The following MMP24 variants were observed in gnomAD, a reference collection of about 807,000 sequenced individuals.
MMP24 encodes matrix metallopeptidase 24.
A neutral mutation model predicts 62.8 loss-of-function variants in MMP24; 25 were observed. The ratio of observed to expected loss-of-function variants is 0.40; its 90% CI spans 0.29 to 0.56. The LOEUF (loss-of-function observed/expected upper bound fraction) is 0.56. MMP24 is among the 20% of genes least tolerant of loss of function. The pLI, the probability that MMP24 is intolerant of heterozygous loss-of-function variation, is 0.50. For synonymous variants in MMP24, 319 were observed against 350.5 expected (o/e 0.91, Z 1.00); for missense variants, 634 against 853.6 (o/e 0.74, Z 3.21).
intron 2 of MMP24, among the ~76,000 whole-genome samples, chr20:35,247,214 C>G (rs543720785): frequency 6.6e-6 from 1 of 152,102 alleles, no homozygotes; most frequent in Non-Finnish European, 1.5e-5. Context: ...GTTGCTTAAC[C>G]CTTCTGGACC....
intron 8 of MMP24, among the ~76,000 whole-genome samples, chr20:35,273,481 G>A (rs1600809848): frequency 6.6e-6 from 1 of 152,262 alleles, no homozygotes; most frequent in East Asian, 1.9e-4. Flanking sequence ...AGGAGTCTCT[G>A]AGGAGGCTTC....
chr20:35,263,605 CCTT>C (rs1324215793), intron 4 of MMP24, 183 bp from the exon 5 acceptor site: 1 of 456,398 alleles, frequency 2.2e-6, no homozygotes, highest in African/African-American at 2.0e-5. Flanking sequence ...CTCTCTCTCT[CCTT>C]GTCCCTGCTC....
In MMP24 at chr20:35,254,694, G is replaced by A. The variant is rs1344361571; in HGVS notation, c.757G>A (p.Gly253Arg). The change falls in exon 4 of 9, where the codon GGA (glycine) becomes AGA (arginine). Residue 253 changes from glycine (G) to arginine (R), a missense_variant. Gly to Arg is a moderately radical substitution (Grantham distance 125, BLOSUM62 -2). Around this residue, in one of 3 missense-constraint regions of MMP24, gnomAD observed 23 missense variants for 63.1 expected, o/e 0.36. Coordinates refer to ENST00000246186, the MANE Select transcript of MMP24 (RefSeq NM_006690.4). ...TGCCTACTTCCCTGGCCCAGGGATT[G>A]GAGGAGACACCCACTTTGACTCCGA... ...AHAYFPGPGI[G>R]GDTHFDSDEP... 1 of 1,614,096 alleles carries A rather than the reference G, an allele frequency of 6.2e-7. No homozygotes were observed. Among genetic ancestry groups the A allele is most frequent in the Non-Finnish European group, 8.5e-7 (1 of 1,180,054 alleles).
chr20:35,254,926 G>A (rs1391223241), intron 4 of MMP24, among the ~76,000 whole-genome samples, 172 bp downstream of exon 4: 1 of 152,202 alleles, frequency 6.6e-6, no homozygotes, highest in Admixed American at 6.5e-5. Flanking sequence ...AATCCACCAG[G>A]GCCAGGGCCA....
At chr20:35,260,191 C>T (rs995326147) in intron 4 of MMP24, among the ~76,000 whole-genome samples, 2 of 152,186 alleles carry the variant, frequency 1.3e-5, no homozygotes, top group African/African-American at 4.8e-5. Context: ...TCAGGGAGTC[C>T]TCCTGCCCCT....
chr20:35,232,903 C>T lies in MMP24; in HGVS notation c.246+5919C>T, dbSNP rs112219609. On this transcript the variant is annotated intron_variant, in intron 1 of 8. Coordinates refer to ENST00000246186, the MANE Select transcript of MMP24 (RefSeq NM_006690.4). ...GAAGTGGAGGGACTGGAGTTTGTTC[C>T]TGAGTTGTTCTGGCTGCTGGCTCCT... is the stretch of plus-strand genomic sequence containing the variant. 5.3e-3 allele frequency among the ~76,000 whole-genome samples: 804 copies of T among 152,232 alleles called. 7 individuals carry two copies. The highest frequency in any genetic ancestry group is 0.017 in the African/African-American group (719 of 41,530).
rs150052933 is a variant in MMP24 at position 35,254,883 on chromosome 20, G to A, written c.817+129G>A. 2.2e-5 allele frequency: 23 copies of A among 1,062,606 alleles called. No individual in the cohort carries two copies. The East Asian group carries it at 5.8e-4, about 27-fold the overall frequency. The allele number at this position is 1,062,606 out of a possible 1,614,324, so 65.8% of individuals were successfully genotyped here. ...CCAAGAACTAAGACCGTAAGAGGGTGGGAACTGTGATTTCTGATAATATTC... is the reference window on the plus strand; with the variant it reads ...CCAAGAACTAAGACCGTAAGAGGGTAGGAACTGTGATTTCTGATAATATTC... On this transcript the variant is annotated intron_variant, in intron 4 of 8. Transcript: ENST00000246186.
intron 1 of MMP24, among the ~76,000 whole-genome samples, chr20:35,227,741 T>C (rs2060421024): frequency 1.3e-5 from 2 of 152,176 alleles, no homozygotes; most frequent in South Asian, 2.1e-4. Flanking sequence ...CCTGGTGCTA[T>C]GTTTTATACG....
chr20:35,255,011 A>T (rs2060567909), intron 4 of MMP24, among the ~76,000 whole-genome samples: 1 of 152,242 alleles, frequency 6.6e-6, no homozygotes, highest in South Asian at 2.1e-4. Flanking sequence ...TAAGAAGATA[A>T]AGTAATGGAC....
chr20:35,267,878 G>C, intron 6 of MMP24: 1 of 186,258 alleles, frequency 5.4e-6, no homozygotes, highest in Non-Finnish European at 1.1e-5. Flanking sequence ...ACTGGCAGCA[G>C]CCCAGGGTAT....
intron 1 of MMP24, among the ~76,000 whole-genome samples, chr20:35,235,483 G>C (rs1180958317): frequency 6.6e-6 from 1 of 152,106 alleles, no homozygotes; most frequent in Non-Finnish European, 1.5e-5. Context: ...ATCACCTGAG[G>C]TCAGAAGTTC....
chr20:35,238,895 G>T (rs529710219), intron 1 of MMP24, among the ~76,000 whole-genome samples: 2 of 152,124 alleles, frequency 1.3e-5, no homozygotes, highest in South Asian at 4.2e-4. Context: ...GCTGTTTTTG[G>T]TTTTTGTTTT....
rs571743139 is a variant in MMP24 at position 35,255,200 on chromosome 20, G to A, written c.817+446G>A. The stretch of plus-strand genomic sequence containing the variant: ...ACAAAAATTATCTGGGCGTGGTGGC[G>A]GGTGCCTGTAATCCCAGCTACTCAG... On this transcript the variant is annotated intron_variant, in intron 4 of 8. Transcript: ENST00000246186. Among the ~76,000 whole-genome samples, 11 of 152,174 alleles carry A rather than the reference G, an allele frequency of 7.2e-5. No homozygotes were observed. The South Asian group carries it at 2.1e-3, about 29-fold the overall frequency.
chr20:35,276,062 C>T lies in MMP24; in HGVS notation c.*1453C>T, dbSNP rs1036018908. 7 of 398,612 alleles carry T rather than the reference C, an allele frequency of 1.8e-5. No individual in the cohort carries two copies. Among genetic ancestry groups the T allele is most frequent in the South Asian group, 1.3e-4 (1 of 7,866 alleles). The allele number at this position is 398,612 out of a possible 1,614,324, so 24.7% of individuals were successfully genotyped here. A position where few individuals can be genotyped will look rare whatever the true frequency, so the allele number is the denominator to read the frequency against. On this transcript the variant is annotated 3_prime_UTR_variant, in exon 9 of 9. Coordinates refer to ENST00000246186, the MANE Select transcript of MMP24 (RefSeq NM_006690.4). ...CAAAAAGGTGTCAGGCAGTCTCCAG[C>T]GTGCTGGCCGGGTCTCGGATGCCAC...
intron 1 of MMP24, among the ~76,000 whole-genome samples, chr20:35,245,483 C>G (rs929878320): frequency 2.7e-5 from 4 of 150,752 alleles, no homozygotes; most frequent in Non-Finnish European, 5.9e-5. Context: ...GAGTCTTGCT[C>G]TGTCACCCAG....
chr20:35,262,857 T>G (rs1176444124), intron 4 of MMP24: 1 of 144,242 alleles, frequency 6.9e-6, no homozygotes, highest in African/African-American at 2.7e-5. Flanking sequence ...TTAAGGAGCA[T>G]GCTGCCTTCA....
At chr20:35,239,259 G>C (rs987619733) in intron 1 of MMP24, among the ~76,000 whole-genome samples, 1 of 151,754 alleles carries the variant, frequency 6.6e-6, no homozygotes, top group African/African-American at 2.4e-5. Context: ...GGATGGTCTC[G>C]ATCTCTTGAC....
In MMP24 at chr20:35,267,317, G is replaced by A. The variant is rs774778324; in HGVS notation, c.1092G>A (p.Pro364=). The change falls in exon 6 of 9, where the codon CCG becomes CCA. Residue 364 remains proline, a synonymous_variant. Coordinates refer to ENST00000246186, the MANE Select transcript of MMP24 (RefSeq NM_006690.4). ...AGCGCCAGCCCAGGCCCCCTCGGCC[G>A]CCCCTCGGGGACCGGCCATCCACAC... ...KHERQPRPPR[P]PLGDRPSTPG... 1.0e-5 allele frequency: 16 copies of A among 1,591,740 alleles called. No homozygotes were observed. Among genetic ancestry groups the A allele is most frequent in the East Asian group, 6.9e-5 (3 of 43,500 alleles).
At chr20:35,250,748 G>A (rs568880633) in intron 2 of MMP24, among the ~76,000 whole-genome samples, 56 of 152,158 alleles carry the variant, frequency 3.7e-4, no homozygotes, top group African/African-American at 1.2e-3. Flanking sequence ...GCAGGAGCAG[G>A]GGGAAGAGTG....
Sources: allele counts gnomAD v4.1 joint callset (sites outside exome capture counted in the v4.1 genomes callset), GRCh38; gene constraint gnomAD v4.1.1; regional missense constraint gnomAD v4.1.1; transcripts MANE v1.5; gene names NCBI Gene and HGNC (gene_info 2026-07-23, HGNC 2026-07-21).